The following TXNRD1 variants were observed in gnomAD, a reference collection of about 807,000 sequenced individuals.
The protein encoded by TXNRD1 is thioredoxin reductase 1, cytoplasmic.
TXNRD1 carries 57 observed loss-of-function variants against 80.3 expected under a neutral mutation model. The observed-to-expected ratio is 0.71, with a 90% CI of 0.57 to 0.89. The LOEUF is 0.89. Among genes scored for constraint, TXNRD1 ranks in the 40% least tolerant of loss-of-function variants. The pLI is 0.00. For missense variants in TXNRD1, 730 were observed against 803.0 expected, an observed-to-expected ratio of 0.91 and a Z score of 1.10; for synonymous variants, 291 against 285.2, an observed-to-expected ratio of 1.02 and a Z score of -0.20.
intron 1 of TXNRD1, among the ~76,000 whole-genome samples, chr12:104,231,669 T>G (rs1193464363): frequency 6.6e-6 from 1 of 152,198 alleles, no homozygotes; most frequent in Non-Finnish European, 1.5e-5. Context: ...AGAATTTCCC[T>G]CTGGGGGGTG....
intron 2 of TXNRD1, among the ~76,000 whole-genome samples, chr12:104,254,227 A>G (rs12828655): frequency 0.038 from 5,741 of 152,248 alleles, 157 homozygotes; most frequent in Middle Eastern, 0.065. Flanking sequence ...TATTTATAAA[A>G]GCCATAGAAC....
chr12:104,254,280 A>G (rs758523755), intron 2 of TXNRD1, among the ~76,000 whole-genome samples: 13 of 152,156 alleles, frequency 8.5e-5, no homozygotes, highest in Non-Finnish European at 1.8e-4. Context: ...TTTGTTAAAT[A>G]AAAGAACTAC....
Position 104,318,946 on chromosome 12 carries a change from T to C in TXNRD1, c.764T>C (p.Val255Ala). The C allele has an allele frequency of 1.2e-6, 2 of 1,613,896 alleles. No homozygotes were observed. The highest frequency in any genetic ancestry group is 8.5e-7 in the Non-Finnish European group (1 of 1,179,856). Reference sequence around the variant, plus strand: ...GATTGGGACAGAATGATAGAAGCTGTACAGAATCACATTGGCTCTTTGAAT... The same window carrying C: ...GATTGGGACAGAATGATAGAAGCTGCACAGAATCACATTGGCTCTTTGAAT... Reference protein sequence around the residue: ...KHDWDRMIEAVQNHIGSLNWG... With the variant: ...KHDWDRMIEAAQNHIGSLNWG... Residue 255 changes from valine (V) to alanine (A), a missense_variant, in exon 8 of 17, where the codon GTA (valine) becomes GCA (alanine). Transcript: ENST00000525566.
intron 3 of TXNRD1, among the ~76,000 whole-genome samples, chr12:104,275,009 A>G (rs1176521464): frequency 6.6e-6 from 1 of 152,230 alleles, no homozygotes; most frequent in Non-Finnish European, 1.5e-5. Context: ...TGCATGTACT[A>G]GCATGTGCAT....
At chr12:104,241,751 G>A (rs561993328) in intron 1 of TXNRD1, among the ~76,000 whole-genome samples, 1 of 151,822 alleles carries the variant, frequency 6.6e-6, no homozygotes, top group South Asian at 2.1e-4. Context: ...GTGTTGCCCA[G>A]GCTAGTCTTG....
At chr12:104,312,013 TGTATATATAC>T (rs974174214) in intron 5 of TXNRD1, among the ~76,000 whole-genome samples, 1 of 135,012 alleles carries the variant, frequency 7.4e-6, no homozygotes, top group African/African-American at 2.7e-5. Context: ...TGTATATATA[TGTATATATAC>T]ACACATATAT....
At chr12:104,294,907 A>G (rs906541752) in intron 4 of TXNRD1, among the ~76,000 whole-genome samples, 1 of 152,248 alleles carries the variant, frequency 6.6e-6, no homozygotes, top group Admixed American at 6.5e-5. Flanking sequence ...AGAGGCTACC[A>G]GAACTTGACA....
intron 4 of TXNRD1, among the ~76,000 whole-genome samples, chr12:104,292,781 G>A (rs2034273631): frequency 6.6e-6 from 1 of 152,106 alleles, no homozygotes; most frequent in South Asian, 2.1e-4. Context: ...TAATATTATT[G>A]TACATAGGGT....
At chr12:104,336,726 T>C (rs1331094947) in intron 15 of TXNRD1, among the ~76,000 whole-genome samples, 1 of 152,232 alleles carries the variant, frequency 6.6e-6, no homozygotes, top group Non-Finnish European at 1.5e-5. Flanking sequence ...ATTGAGCACT[T>C]ACTGTGTACC....
chr12:104,224,281 G>T (rs184812274), intron 1 of TXNRD1, among the ~76,000 whole-genome samples: 26 of 152,274 alleles, frequency 1.7e-4, no homozygotes, highest in African/African-American at 4.8e-4. Flanking sequence ...AGATAGTTTT[G>T]CCCTTTCTGG....
intron 1 of TXNRD1, among the ~76,000 whole-genome samples, chr12:104,223,372 T>C (rs2032396893): frequency 6.6e-6 from 1 of 152,222 alleles, no homozygotes; most frequent in Non-Finnish European, 1.5e-5. Flanking sequence ...CTCTTGGTCA[T>C]CAAATTCGTT....
intron 4 of TXNRD1, among the ~76,000 whole-genome samples, chr12:104,301,644 T>C (rs149232294): frequency 3.0e-4 from 45 of 152,356 alleles, no homozygotes; most frequent in African/African-American, 1.1e-3. Flanking sequence ...GCTGCTTTTG[T>C]TGAATTTAAA....
At chr12:104,297,090 G>GGTCA (rs1257582172) in intron 4 of TXNRD1, among the ~76,000 whole-genome samples, 2 of 151,928 alleles carry the variant, frequency 1.3e-5, no homozygotes, top group African/African-American at 4.8e-5. Flanking sequence ...GATCACTTGA[G>GGTCA]GTCAGGAGTT....
intron 3 of TXNRD1, among the ~76,000 whole-genome samples, chr12:104,288,022 A>G (rs2034034057): frequency 6.6e-6 from 1 of 151,988 alleles, no homozygotes; most frequent in African/African-American, 2.4e-5. Flanking sequence ...ACGGAGTCTC[A>G]TTCTGTCGCC....
At chr12:104,347,319 T>A (rs1005584387) in intron 16 of TXNRD1, among the ~76,000 whole-genome samples, 2 of 152,184 alleles carry the variant, frequency 1.3e-5, no homozygotes, top group African/African-American at 2.4e-5. Flanking sequence ...TAAAACAGAC[T>A]AAAGACTTTT....
intron 1 of TXNRD1, among the ~76,000 whole-genome samples, chr12:104,223,298 T>C (rs1389790858): frequency 6.6e-6 from 1 of 152,238 alleles, no homozygotes; most frequent in Admixed American, 6.5e-5. Flanking sequence ...TGCTGCACTC[T>C]ATATAGGGTC....
At position 104,315,810 on chromosome 12, in the gene TXNRD1, T is replaced by C. The variant is rs1013561365; in HGVS notation, c.644T>C (p.Ile215Thr). 1.2e-6 allele frequency: 2 copies of C among 1,612,230 alleles called. No homozygotes were observed. Among genetic ancestry groups the C allele is most frequent in the Non-Finnish European group, 1.7e-6 (2 of 1,178,816 alleles). Reference sequence around the variant, plus strand: ...GGAACATGTGTGAATGTGGGTTGCATACCTAAAAAACTGATGCATCAAGCA... The same window carrying C: ...GGAACATGTGTGAATGTGGGTTGCACACCTAAAAAACTGATGCATCAAGCA... ...LGGTCVNVGC[I>T]PKKLMHQAAL... The change falls in exon 7 of 17, where the codon ATA becomes ACA. Residue 215 changes from isoleucine (I) to threonine (T), a missense_variant. Ile to Thr is a moderately conservative substitution (Grantham distance 89). Transcript: ENST00000525566.
intron 1 of TXNRD1, among the ~76,000 whole-genome samples, chr12:104,237,148 T>G (rs2032757679): frequency 6.6e-6 from 1 of 152,232 alleles, no homozygotes; most frequent in South Asian, 2.1e-4. Flanking sequence ...TGTACTGTTA[T>G]GTATTGTGTT....
At chr12:104,293,180 G>T (rs922459370) in intron 4 of TXNRD1, among the ~76,000 whole-genome samples, 1 of 152,146 alleles carries the variant, frequency 6.6e-6, no homozygotes, top group Non-Finnish European at 1.5e-5. Context: ...CTTGTAGAGA[G>T]GCCTATTGGT....
Sources: gnomAD v4.1 joint callset for allele counts (sites outside exome capture counted in the v4.1 genomes callset) on GRCh38, gnomAD v4.1.1 for gene constraint, MANE v1.5 for transcripts, NCBI Gene and HGNC (gene_info 2026-07-23, HGNC 2026-07-21) for gene names.